Variants in VTI1A observed in about 807,000 individuals in gnomAD.
VTI1A encodes vesicle transport through interaction with t-SNAREs 1A, also known as vesicle transport through interaction with t-SNAREs homolog 1A.
In VTI1A, 22 loss-of-function variants were observed where a neutral mutation model predicts 34.9. The ratio of observed to expected loss-of-function variants is 0.63; its 90% CI spans 0.45 to 0.90. The LOEUF (loss-of-function observed/expected upper bound fraction) is 0.90. Among genes scored for constraint, VTI1A ranks in the 40% least tolerant of loss-of-function variants. The pLI is 0.00. For synonymous variants in VTI1A, 87 were observed against 97.3 expected, an observed-to-expected ratio of 0.89 and a Z score of 0.62; for missense variants, 268 against 275.6, an observed-to-expected ratio of 0.97 and a Z score of 0.20.
chr10:112,680,221 G>T (rs970968275), intron 7 of VTI1A, among the ~76,000 whole-genome samples: 1 of 152,166 alleles, frequency 6.6e-6, no homozygotes. Flanking sequence ...CAGATCATTT[G>T]TCAAAAGTAC....
At chr10:112,701,579 C>T (rs1305324180) in intron 7 of VTI1A, among the ~76,000 whole-genome samples, 1 of 152,160 alleles carries the variant, frequency 6.6e-6, no homozygotes, top group Non-Finnish European at 1.5e-5. Flanking sequence ...AATTTCCAAA[C>T]CTCTAAGCAC....
intron 3 of VTI1A, 196 bp downstream of exon 3, chr10:112,464,853 A>G (rs1589797802): frequency 6.8e-6 from 4 of 590,934 alleles, no homozygotes; most frequent in Non-Finnish European, 1.2e-5. Flanking sequence ...TGTTGGATTA[A>G]TGATTCACAA....
At chr10:112,682,779 C>CA (rs1848261315) in intron 7 of VTI1A, among the ~76,000 whole-genome samples, 1 of 152,196 alleles carries the variant, frequency 6.6e-6, no homozygotes, top group African/African-American at 2.4e-5. Context: ...TCATGGCCAT[C>CA]AGACAGGTGG....
Position 112,651,107 on chromosome 10 carries a change from A to G in VTI1A, c.428-17111A>G, listed in dbSNP as rs544835340. On this transcript the variant is annotated intron_variant, in intron 5 of 7. Coordinates refer to ENST00000393077, the MANE Select transcript of VTI1A (RefSeq NM_145206.4). ...AACATTTAAGGCCACCTAATCTGTT[A>G]TATCCAGCTACTGTTGGGATGATGT... Among the ~76,000 whole-genome samples, 31 of 152,326 alleles carry G rather than the reference A, an allele frequency of 2.0e-4. No homozygotes were observed. In the East Asian group the frequency reaches 3.3e-3, roughly 16 times the overall value.
At chr10:112,692,795 C>T (rs910079844) in intron 7 of VTI1A, among the ~76,000 whole-genome samples, 3 of 152,202 alleles carry the variant, frequency 2.0e-5, no homozygotes, top group Non-Finnish European at 2.9e-5. Context: ...AATCAGCTCT[C>T]GTTTCTCCAG....
intron 5 of VTI1A, among the ~76,000 whole-genome samples, chr10:112,586,669 T>G (rs1357497376): frequency 1.3e-5 from 2 of 152,190 alleles, no homozygotes; most frequent in Non-Finnish European, 2.9e-5. Flanking sequence ...TGCCTCTCTG[T>G]GTACCCCGCT....
intron 5 of VTI1A, among the ~76,000 whole-genome samples, chr10:112,614,195 G>A (rs948565645): frequency 3.9e-5 from 6 of 152,250 alleles, no homozygotes; most frequent in African/African-American, 1.4e-4. Flanking sequence ...TGTGCCATGC[G>A]TGGTCTTGAG....
intron 5 of VTI1A, among the ~76,000 whole-genome samples, chr10:112,588,939 G>T (rs1844268643): frequency 6.6e-6 from 1 of 151,098 alleles, no homozygotes; most frequent in Non-Finnish European, 1.5e-5. Context: ...AGGGATAGAG[G>T]TATTTATTTC....
At position 112,766,586 on chromosome 10, in the gene VTI1A, A is replaced by G. The variant is rs150850264; in HGVS notation, c.561-48704A>G. Among the ~76,000 whole-genome samples the G allele has an allele frequency of 4.4e-3, 667 of 152,290 alleles. 7 individuals are homozygous for G. Among genetic ancestry groups the G allele is most frequent in the African/African-American group, 0.015 (640 of 41,560 alleles). On this transcript the variant is annotated intron_variant, in intron 7 of 7. Transcript: ENST00000393077. The stretch of plus-strand genomic sequence containing the variant: ...CTAGATTCTCCTTGGAAGAAATGCT[A>G]GTATACTTCAAAGAGGAGAGAAAAA...
At chr10:112,841,109 C>T in the VTI1A span, among the ~76,000 whole-genome samples, 1 of 152,122 alleles carries the variant, frequency 6.6e-6, no homozygotes, top group Non-Finnish European at 1.5e-5. Context: ...CCCCCCAGAG[C>T]GAACCACTTT....
At chr10:112,812,453 A>G (rs1853351290) in intron 7 of VTI1A, among the ~76,000 whole-genome samples, 1 of 152,182 alleles carries the variant, frequency 6.6e-6, no homozygotes, top group Non-Finnish European at 1.5e-5. Flanking sequence ...TGCTTTGCCT[A>G]CAGCAATACA....
At chr10:112,529,095 T>G (rs1452876086) in intron 4 of VTI1A, among the ~76,000 whole-genome samples, 1 of 152,140 alleles carries the variant, frequency 6.6e-6, no homozygotes, top group Non-Finnish European at 1.5e-5. Flanking sequence ...ATTCTGAAAG[T>G]GCTTGGAGAA....
chr10:112,802,468 G>T (rs549384132), intron 7 of VTI1A, among the ~76,000 whole-genome samples: 1 of 152,280 alleles, frequency 6.6e-6, no homozygotes, highest in South Asian at 2.1e-4. Flanking sequence ...GATGATAATA[G>T]GCCCCAGCTC....
At chr10:112,524,481 A>C (rs1391569157) in intron 3 of VTI1A, among the ~76,000 whole-genome samples, 1 of 152,108 alleles carries the variant, frequency 6.6e-6, no homozygotes, top group Admixed American at 6.6e-5. Flanking sequence ...CATCCAAACA[A>C]CCAGTTTTTA....
At chr10:112,559,944 C>T (rs1443836400) in intron 5 of VTI1A, among the ~76,000 whole-genome samples, 2 of 152,136 alleles carry the variant, frequency 1.3e-5, no homozygotes, top group African/African-American at 2.4e-5. Context: ...TGGCCACACA[C>T]GTGTGTGGGG....
intron 7 of VTI1A, among the ~76,000 whole-genome samples, chr10:112,709,488 G>A (rs1849323496): frequency 6.6e-6 from 1 of 151,858 alleles, no homozygotes; most frequent in Non-Finnish European, 1.5e-5. Flanking sequence ...TCAGCCAGCC[G>A]GAACTGCTCC....
At chr10:112,662,734 A>G (rs1207790626) in intron 5 of VTI1A, among the ~76,000 whole-genome samples, 3 of 152,172 alleles carry the variant, frequency 2.0e-5, no homozygotes, top group African/African-American at 7.2e-5. Flanking sequence ...TGTATAAAAA[A>G]GAACAAGGGA....
At chr10:112,660,986 T>C (rs1847425059) in intron 5 of VTI1A, among the ~76,000 whole-genome samples, 1 of 152,210 alleles carries the variant, frequency 6.6e-6, no homozygotes, top group Non-Finnish European at 1.5e-5. Flanking sequence ...TATTTACTTA[T>C]TTATTTATTT....
the VTI1A span, among the ~76,000 whole-genome samples, chr10:112,851,572 G>T: frequency 1.3e-5 from 2 of 152,292 alleles, no homozygotes; most frequent in South Asian, 4.1e-4. Flanking sequence ...GGGTGTTTGG[G>T]TTAAGGCTGG....
Sources: allele counts gnomAD v4.1 joint callset (sites outside exome capture counted in the v4.1 genomes callset), GRCh38; gene constraint gnomAD v4.1.1; transcripts MANE v1.5; gene names NCBI Gene and HGNC (gene_info 2026-07-23, HGNC 2026-07-21).